The following BTBD9 variants were observed in gnomAD, a reference collection of about 807,000 sequenced individuals.
BTBD9 encodes the protein BTB domain containing 9.
Under a neutral mutation model 64.3 loss-of-function variants are expected in BTBD9, and 49 were observed. The observed-to-expected ratio is 0.76, with a 90% CI of 0.61 to 0.97. The LOEUF is 0.97. Ranked by LOEUF, BTBD9 falls within the 50% of genes least tolerant of loss-of-function variation. BTBD9 has a pLI of 0.00. For synonymous variants in BTBD9, 260 were observed against 274.7 expected (o/e 0.95, Z 0.53); for missense variants, 598 against 762.1 (o/e 0.78, Z 2.53).
intron 9 of BTBD9, among the ~76,000 whole-genome samples, chr6:38,214,751 T>G (rs1762956069): frequency 6.6e-6 from 1 of 152,230 alleles, no homozygotes; most frequent in Admixed American, 6.5e-5. Context: ...TGCTTTGAAT[T>G]TTGTTCATGC....
At chr6:38,439,843 G>A (rs1479953034) in intron 6 of BTBD9, among the ~76,000 whole-genome samples, 3 of 152,168 alleles carry the variant, frequency 2.0e-5, no homozygotes, top group Non-Finnish European at 4.4e-5. Context: ...ACAGGCATAT[G>A]CTACTGTTCC....
intron 7 of BTBD9, among the ~76,000 whole-genome samples, chr6:38,335,933 C>T (rs1763875757): frequency 1.3e-5 from 2 of 152,082 alleles, no homozygotes. Flanking sequence ...TAGGTTTTCA[C>T]CATGTTGGCC....
chr6:38,295,055 T>C lies in BTBD9; in HGVS notation c.1265-6594A>G, dbSNP rs543147660. Among the ~76,000 whole-genome samples, 414 of 152,304 alleles carry C rather than the reference T, an allele frequency of 2.7e-3. 1 individual carries two copies. The highest frequency in any genetic ancestry group is 7.3e-3 in the South Asian group (35 of 4,820). ...TTATCTTTTGCCTATTTTTCTATTA[T>C]CTTTCTAATTGATTTTCAGGATGCC... On this transcript the variant is annotated intron_variant, in intron 7 of 10. Coordinates refer to ENST00000481247, the MANE Select transcript of BTBD9 (RefSeq NM_001099272.2).
intron 4 of BTBD9, among the ~76,000 whole-genome samples, chr6:38,590,767 C>T (rs567734616): frequency 3.9e-4 from 60 of 152,256 alleles, no homozygotes; most frequent in African/African-American, 1.3e-3. Context: ...TAGTGTGTCA[C>T]AGTTAATTGG....
chr6:38,322,959 T>C (rs1284544076), intron 7 of BTBD9, among the ~76,000 whole-genome samples: 1 of 152,158 alleles, frequency 6.6e-6, no homozygotes, highest in Admixed American at 6.5e-5. Flanking sequence ...AATAACATGA[T>C]ATGAAAATTA....
intron 6 of BTBD9, among the ~76,000 whole-genome samples, chr6:38,488,210 CAAA>C (rs1562253294): frequency 6.6e-6 from 1 of 152,056 alleles, no homozygotes; most frequent in East Asian, 1.9e-4. Context: ...TTCGGCCCCC[CAAA>C]AGTGTAAGCC....
intron 6 of BTBD9, among the ~76,000 whole-genome samples, chr6:38,495,767 G>C (rs772333811): frequency 3.8e-5 from 3 of 79,650 alleles, no homozygotes; most frequent in Non-Finnish European, 6.9e-5. Context: ...GCATCTGGGC[G>C]GGGGGGCGGG....
At chr6:38,350,442 G>A (rs868497602) in intron 6 of BTBD9, among the ~76,000 whole-genome samples, 4 of 152,196 alleles carry the variant, frequency 2.6e-5, no homozygotes, top group Non-Finnish European at 4.4e-5. Flanking sequence ...AAGCCTACCT[G>A]TGGTTACAGT....
intron 6 of BTBD9, among the ~76,000 whole-genome samples, chr6:38,547,819 A>G (rs1239299535): frequency 6.6e-6 from 1 of 152,250 alleles, no homozygotes; most frequent in East Asian, 1.9e-4. Flanking sequence ...AATTAGCTAC[A>G]TGATTCCTTA....
chr6:38,491,239 C>T (rs922160370), intron 6 of BTBD9, among the ~76,000 whole-genome samples: 1 of 152,178 alleles, frequency 6.6e-6, no homozygotes, highest in Non-Finnish European at 1.5e-5. Flanking sequence ...TGGAAATACC[C>T]GCAAACACAA....
At chr6:38,255,754 A>G (rs1009361913) in intron 9 of BTBD9, among the ~76,000 whole-genome samples, 1 of 152,226 alleles carries the variant, frequency 6.6e-6, no homozygotes, top group Non-Finnish European at 1.5e-5. Flanking sequence ...GAGTGTGGGG[A>G]ATAGGATAGA....
At chr6:38,200,443 G>A (rs1298938387) in intron 9 of BTBD9, among the ~76,000 whole-genome samples, 3 of 152,032 alleles carry the variant, frequency 2.0e-5, no homozygotes, top group South Asian at 4.1e-4. Context: ...ATGAAATAGA[G>A]ACTACATAAA....
intron 7 of BTBD9, among the ~76,000 whole-genome samples, chr6:38,338,279 G>C (rs1034621231): frequency 3.9e-5 from 6 of 152,124 alleles, no homozygotes; most frequent in African/African-American, 1.4e-4. Flanking sequence ...GAGCAGAGTG[G>C]GATGGCACAA....
At chr6:38,384,958 C>T (rs1766089731) in intron 6 of BTBD9, among the ~76,000 whole-genome samples, 1 of 151,840 alleles carries the variant, frequency 6.6e-6, no homozygotes, top group Admixed American at 6.6e-5. Flanking sequence ...GCTTCAGCCT[C>T]AGCCTTTGAA....
chr6:38,462,415 C>A (rs1770138469), intron 6 of BTBD9, among the ~76,000 whole-genome samples: 1 of 151,958 alleles, frequency 6.6e-6, no homozygotes. Context: ...TTCTTTTTTC[C>A]ACTGAATTGC....
At chr6:38,183,261 G>A (rs954139205) in intron 10 of BTBD9, among the ~76,000 whole-genome samples, 1 of 152,220 alleles carries the variant, frequency 6.6e-6, no homozygotes, top group East Asian at 1.9e-4. Flanking sequence ...ACAGGTGTGA[G>A]CCACCGCGCC....
At chr6:38,584,518 G>A (rs1033484294) in intron 4 of BTBD9, among the ~76,000 whole-genome samples, 1 of 152,200 alleles carries the variant, frequency 6.6e-6, no homozygotes, top group African/African-American at 2.4e-5. Context: ...TCTGAGAGGA[G>A]TGCTGGGTTA....
intron 6 of BTBD9, among the ~76,000 whole-genome samples, chr6:38,560,805 T>C (rs2127456384): frequency 6.6e-6 from 1 of 152,288 alleles, no homozygotes; most frequent in African/African-American, 2.4e-5. Flanking sequence ...ATTATTTAGC[T>C]CCCACTTACA....
chr6:38,215,252 C>A (rs1762972992), intron 9 of BTBD9, among the ~76,000 whole-genome samples: 1 of 152,134 alleles, frequency 6.6e-6, no homozygotes, highest in African/African-American at 2.4e-5. Flanking sequence ...GGCAATTCAC[C>A]TTTTCCATGA....
Sources: gnomAD v4.1 joint callset for allele counts (sites outside exome capture counted in the v4.1 genomes callset) on GRCh38, gnomAD v4.1.1 for gene constraint, MANE v1.5 for transcripts, NCBI Gene and HGNC (gene_info 2026-07-23, HGNC 2026-07-21) for gene names.